STRN: variants seen among roughly 807,000 people sequenced by gnomAD.
The protein encoded by STRN is striatin.
In STRN, 53 loss-of-function variants were observed where a neutral mutation model predicts 96.3. The ratio of observed to expected loss-of-function variants is 0.55; its 90% confidence interval spans 0.44 to 0.69. The LOEUF (loss-of-function observed/expected upper bound fraction) is 0.69. Ranked by LOEUF, STRN falls within the 30% of genes least tolerant of loss-of-function variation. The pLI is 0.00. For synonymous variants in STRN, 428 were observed against 355.9 expected (o/e 1.20, Z -2.28); for missense variants, 987 against 963.9 (o/e 1.02, Z -0.32).
chr2:36,895,618 A>C (rs187719380), intron 6 of STRN, among the ~76,000 whole-genome samples: 4 of 151,908 alleles, frequency 2.6e-5, no homozygotes, highest in East Asian at 3.9e-4. Context: ...CTAAGGTAGA[A>C]AGGTGTATCT....
In STRN at chr2:36,966,502, G is replaced by T; in HGVS notation, c.-39C>A. The stretch of plus-strand genomic sequence containing the variant: ...ACCCGGGGAGCTGCCCCGGCGCCCA[G>T]CAGCGGAGGCAACAGCGGCGGCAAG... On this transcript the variant is annotated 5_prime_UTR_variant, in exon 1 of 18. The change creates a new upstream start codon in the 5' untranslated region. Coordinates refer to ENST00000263918, the MANE Select transcript of STRN (RefSeq NM_003162.4). The T allele has an allele frequency of 1.4e-6, 2 of 1,383,426 alleles. No individual in the cohort carries two copies. Among genetic ancestry groups the T allele is most frequent in the Admixed American group, 3.6e-5 (1 of 27,884 alleles). The allele number at this position is 1,383,426 out of a possible 1,614,324, so 85.7% of individuals were successfully genotyped here.
chr2:36,880,776 A>AT (rs1242364247), intron 9 of STRN, among the ~76,000 whole-genome samples: 3 of 152,184 alleles, frequency 2.0e-5, no homozygotes, highest in Non-Finnish European at 2.9e-5. Context: ...ACATTTCCAG[A>AT]TAACTTTGTT....
chr2:36,893,777 G>C, intron 7 of STRN, 121 bp downstream of exon 7: 2 of 1,224,518 alleles, frequency 1.6e-6, no homozygotes, highest in Non-Finnish European at 1.1e-6. Context: ...GGTGCTAGTA[G>C]TAATAAGTTC....
chr2:36,873,637 T>A (rs1426374278), intron 10 of STRN, among the ~76,000 whole-genome samples: 1 of 152,054 alleles, frequency 6.6e-6, no homozygotes, highest in African/African-American at 2.4e-5. Context: ...GGAAGAAATC[T>A]GTAAACAATC....
chr2:36,881,356 G>C (rs1669064525), intron 9 of STRN, among the ~76,000 whole-genome samples: 1 of 151,974 alleles, frequency 6.6e-6, no homozygotes, highest in Non-Finnish European at 1.5e-5. Flanking sequence ...TTGAATTTCT[G>C]GCCTCAAGTG....
intron 1 of STRN, among the ~76,000 whole-genome samples, chr2:36,963,031 C>T (rs934248617): frequency 8.6e-5 from 13 of 152,036 alleles, no homozygotes; most frequent in African/African-American, 2.7e-4. Context: ...CTTTTTTTCC[C>T]CCCATGAACT....
intron 1 of STRN, among the ~76,000 whole-genome samples, chr2:36,928,422 C>CG (rs992350339): frequency 1.4e-4 from 22 of 152,006 alleles, no homozygotes; most frequent in African/African-American, 4.6e-4. Flanking sequence ...GAGGCCGAGG[C>CG]GGGGGGATCA....
intron 2 of STRN, 98 bp from the exon 3 acceptor site, chr2:36,916,249 C>G (rs2148218898): frequency 9.8e-7 from 1 of 1,024,888 alleles, no homozygotes; most frequent in Non-Finnish European, 1.5e-6. Flanking sequence ...CCTGGCTGAA[C>G]ACTCCTAGAA....
Position 36,901,107 on chromosome 2 carries a change from C to T in STRN, c.660-1449G>A, listed in dbSNP as rs190024007. On this transcript the variant is annotated intron_variant, in intron 5 of 17. Coordinates refer to ENST00000263918, the MANE Select transcript of STRN (RefSeq NM_003162.4). ...AGCTTTGTGTTTGGTATTACCCTCC[C>T]CTAACTCTTTATCCCTACTGAAATC... is the stretch of plus-strand genomic sequence containing the variant. 1.8e-3 allele frequency among the ~76,000 whole-genome samples: 270 copies of T among 152,136 alleles called. 2 individuals carry two copies. Among genetic ancestry groups the T allele is most frequent in the Middle Eastern group, 0.017 (5 of 294 alleles).
rs142375018 is a variant in STRN, at chr2:36,909,669, T to C, written c.413-4051A>G. Among the ~76,000 whole-genome samples, 18 of 152,042 alleles carry C rather than the reference T, an allele frequency of 1.2e-4. No individual in the cohort carries two copies. In the East Asian group the frequency reaches 3.3e-3, roughly 28 times the overall value. On this transcript the variant is annotated intron_variant, in intron 3 of 17. Transcript: ENST00000263918. ...AAATTCCATGAAAACTATAAACCCATAGATCCAAGGAACTCAATAAATCCC... is the reference window on the plus strand; with the variant it reads ...AAATTCCATGAAAACTATAAACCCACAGATCCAAGGAACTCAATAAATCCC...
chr2:36,939,167 G>A (rs1055178599), intron 1 of STRN, among the ~76,000 whole-genome samples: 4 of 151,988 alleles, frequency 2.6e-5, no homozygotes, highest in South Asian at 2.1e-4. Context: ...TCCTGACCTC[G>A]TGATCCGCCC....
intron 6 of STRN, among the ~76,000 whole-genome samples, chr2:36,897,565 A>T (rs1669576975): frequency 6.6e-6 from 1 of 151,564 alleles, no homozygotes; most frequent in Non-Finnish European, 1.5e-5. Flanking sequence ...CCTCCCGAGT[A>T]GCTGGGACTA....
intron 13 of STRN, among the ~76,000 whole-genome samples, chr2:36,858,573 A>G (rs1422471046): frequency 6.6e-6 from 1 of 152,224 alleles, no homozygotes; most frequent in Non-Finnish European, 1.5e-5. Flanking sequence ...AGATGCAGTG[A>G]TAGTGTATGC....
In STRN at chr2:36,897,497, G is replaced by A. The variant is rs190942438; in HGVS notation, c.795+2026C>T. Among the ~76,000 whole-genome samples, 642 of 151,450 alleles carry A rather than the reference G, an allele frequency of 4.2e-3. 4 individuals carry two copies. The highest frequency in any genetic ancestry group is 0.015 in the African/African-American group (611 of 41,280). On this transcript the variant is annotated intron_variant, in intron 6 of 17. Transcript: ENST00000263918. The stretch of plus-strand genomic sequence containing the variant: ...GTCACCCAGGCTGGAGTGCAGTGGC[G>A]CAATCTCAGCTCACTGCAAGCTCTG...
chr2:36,870,256 C>T (rs1255375008), intron 10 of STRN, among the ~76,000 whole-genome samples: 2 of 148,414 alleles, frequency 1.3e-5, no homozygotes, highest in African/African-American at 2.5e-5. Flanking sequence ...TGGTAAAACA[C>T]ACATGTTCTT....
chr2:36,893,304 C>A (rs187505554), intron 7 of STRN, among the ~76,000 whole-genome samples: 140 of 151,330 alleles, frequency 9.3e-4, no homozygotes, highest in African/African-American at 3.1e-3. Context: ...CAAAAAAAAC[C>A]CCTAAGCGTA....
At chr2:36,943,249 A>G (rs963421270) in intron 1 of STRN, among the ~76,000 whole-genome samples, 3 of 152,056 alleles carry the variant, frequency 2.0e-5, no homozygotes, top group African/African-American at 7.2e-5. Flanking sequence ...CTTTATCCTC[A>G]TCCCACTCCC....
In STRN at chr2:36,855,311, G is replaced by A; in HGVS notation, c.1879C>T (p.Pro627Ser). 6.2e-7 allele frequency: 1 copy of A among 1,613,708 alleles called. No homozygotes were observed. The highest frequency in any genetic ancestry group is 8.5e-7 in the Non-Finnish European group (1 of 1,179,786). The change falls in exon 15 of 18, where the codon CCG becomes TCG. Residue 627 changes from proline (P) to serine (S), a missense_variant. Coordinates refer to ENST00000263918, the MANE Select transcript of STRN (RefSeq NM_003162.4). ...PASVDLVSSD[P>S]SHMVASFSKG... ...CTGAATGATGCTACCATATGGCTCG[G>A]GTCACTGCTCACTAGATCCACAGAG...
At chr2:36,943,265 G>A (rs927381421) in intron 1 of STRN, among the ~76,000 whole-genome samples, 1 of 151,902 alleles carries the variant, frequency 6.6e-6, no homozygotes, top group African/African-American at 2.4e-5. Flanking sequence ...CTCCCCAGAG[G>A]TAATCAGTGT....
Sources: gnomAD v4.1 joint callset for allele counts (sites outside exome capture counted in the v4.1 genomes callset) on GRCh38, gnomAD v4.1.1 for gene constraint, MANE v1.5 for transcripts, NCBI Gene and HGNC (gene_info 2026-07-23, HGNC 2026-07-21) for gene names.